DOCK3: variants seen among roughly 807,000 people sequenced by gnomAD.
DOCK3 encodes dedicator of cytokinesis protein 3.
Under a neutral mutation model 265.6 loss-of-function variants are expected in DOCK3, and 60 were observed. The ratio of observed to expected loss-of-function variants is 0.23; its 90% CI spans 0.18 to 0.28. The LOEUF (loss-of-function observed/expected upper bound fraction) is 0.28. Ranked by LOEUF, DOCK3 falls within the 10% of genes least tolerant of loss-of-function variation. The probability of loss-of-function intolerance (pLI) is 1.00; values close to 1 mark genes in which losing one functional copy is unlikely to be tolerated. For synonymous variants in DOCK3, 881 were observed against 938.0 expected, an observed-to-expected ratio of 0.94 and a Z score of 1.11; for missense variants, 1,981 against 2,594.3, an observed-to-expected ratio of 0.76 and a Z score of 5.14.
At chr3:50,706,436 G>A (rs2036418171) in intron 1 of DOCK3, among the ~76,000 whole-genome samples, 1 of 152,140 alleles carries the variant, frequency 6.6e-6, no homozygotes, top group African/African-American at 2.4e-5. Context: ...CCAGGCCTGT[G>A]AGGTTTTTGC....
At chr3:51,108,380 T>A (rs1365525479) in intron 9 of DOCK3, among the ~76,000 whole-genome samples, 2 of 152,068 alleles carry the variant, frequency 1.3e-5, no homozygotes. Context: ...TACAAGAGCT[T>A]CTAAACGAAG....
Position 51,275,215 on chromosome 3 carries a change from C to G in DOCK3, c.2676+9C>G. The G allele has an allele frequency of 6.2e-7, 1 of 1,613,672 alleles. No homozygotes were observed. Among genetic ancestry groups the G allele is most frequent in the Non-Finnish European group, 8.5e-7 (1 of 1,179,840 alleles). On this transcript the variant is annotated intron_variant, in intron 25 of 52. Transcript: ENST00000266037. ...TCAAGACCAGCTCTCTGGTAGTGGC[C>G]CCACACCCACTCCACCCTGTTCAGC... is the stretch of plus-strand genomic sequence containing the variant.
intron 4 of DOCK3, among the ~76,000 whole-genome samples, chr3:50,928,101 A>G (rs1275277843): frequency 6.9e-6 from 1 of 145,310 alleles, no homozygotes; most frequent in Non-Finnish European, 1.5e-5. Flanking sequence ...TTTCACTGGC[A>G]ATATTTTTGT....
At chr3:50,894,704 A>G (rs959026668) in intron 4 of DOCK3, among the ~76,000 whole-genome samples, 4 of 152,160 alleles carry the variant, frequency 2.6e-5, no homozygotes, top group Admixed American at 1.3e-4. Context: ...TGTCATCAAC[A>G]ATAAAACATT....
At chr3:50,963,400 A>T (rs997050854) in intron 5 of DOCK3, among the ~76,000 whole-genome samples, 4 of 152,186 alleles carry the variant, frequency 2.6e-5, no homozygotes, top group African/African-American at 4.8e-5. Context: ...GGTAGCCATT[A>T]TATTTATATT....
At chr3:51,256,569 C>T (rs10446473) in intron 22 of DOCK3, among the ~76,000 whole-genome samples, 123,868 of 150,604 alleles carry the variant, frequency 0.82, 51,515 homozygotes, top group Middle Eastern at 0.9. Flanking sequence ...TCGCACCCAG[C>T]GAAGAGCTTG....
At chr3:50,732,650 A>T (rs948786039) in intron 1 of DOCK3, among the ~76,000 whole-genome samples, 5 of 152,112 alleles carry the variant, frequency 3.3e-5, no homozygotes, top group Non-Finnish European at 5.9e-5. Flanking sequence ...GCCTCAAGCC[A>T]TCCTCCCACC....
chr3:51,160,552 A>G lies in DOCK3; in HGVS notation c.890-3A>G. ...CTGACTGGTGTTTTCTGCTGTGCCC[A>G]AGGCCGGATGCTCCTGAACGACTCA... On this transcript the variant is annotated splice_region_variant and splice_polypyrimidine_tract_variant and intron_variant, in intron 11 of 52. Transcript: ENST00000266037. 3 of 1,606,550 alleles carry G rather than the reference A, an allele frequency of 1.9e-6. No individual in the cohort carries two copies.
At chr3:50,821,796 A>G (rs180863930) in intron 2 of DOCK3, among the ~76,000 whole-genome samples, 2 of 152,202 alleles carry the variant, frequency 1.3e-5, no homozygotes, top group Admixed American at 6.5e-5. Context: ...TGAAGGTCAG[A>G]CAGTTGTAGC....
intron 27 of DOCK3, among the ~76,000 whole-genome samples, chr3:51,308,884 G>A (rs541879702): frequency 9.3e-5 from 14 of 151,318 alleles, no homozygotes; most frequent in South Asian, 2.1e-4. Context: ...GCTGCCGGGC[G>A]GAGGGTCTCC....
intron 23 of DOCK3, among the ~76,000 whole-genome samples, chr3:51,269,974 T>A (rs892160413): frequency 6.6e-6 from 1 of 152,190 alleles, no homozygotes; most frequent in Non-Finnish European, 1.5e-5. Flanking sequence ...TTTGAACTCG[T>A]GTCTAATTCC....
intron 9 of DOCK3, among the ~76,000 whole-genome samples, chr3:51,144,312 A>G (rs965133801): frequency 1.3e-5 from 2 of 152,016 alleles, no homozygotes; most frequent in African/African-American, 4.8e-5. Context: ...TTTCTCTACC[A>G]TTTCATTAAA....
chr3:51,227,875 T>C, intron 16 of DOCK3, 107 bp from the exon 17 acceptor site: 1 of 1,105,366 alleles, frequency 9.0e-7, no homozygotes, highest in Non-Finnish European at 1.3e-6. Flanking sequence ...ACCTAGTTAA[T>C]GAAAGAGGCG....
chr3:51,264,020 C>T (rs1051585810), intron 23 of DOCK3, among the ~76,000 whole-genome samples: 1 of 152,112 alleles, frequency 6.6e-6, no homozygotes, highest in Non-Finnish European at 1.5e-5. Flanking sequence ...AGAAAATTGA[C>T]AAGGATATTC....
chr3:50,939,534 G>T (rs1039821900), intron 5 of DOCK3, among the ~76,000 whole-genome samples: 1 of 151,964 alleles, frequency 6.6e-6, no homozygotes, highest in Non-Finnish European at 1.5e-5. Context: ...ATATACCATG[G>T]CCAGTGGGGT....
At chr3:51,056,308 G>A (rs577164992) in intron 5 of DOCK3, among the ~76,000 whole-genome samples, 104 of 152,240 alleles carry the variant, frequency 6.8e-4, no homozygotes, top group African/African-American at 2.3e-3. Context: ...GAATGCAGTG[G>A]CACAATCTCG....
intron 2 of DOCK3, among the ~76,000 whole-genome samples, chr3:50,781,415 A>C (rs1431666715): frequency 6.6e-6 from 1 of 151,612 alleles, no homozygotes; most frequent in Non-Finnish European, 1.5e-5. Context: ...ACAGGTGCAC[A>C]ACATCATCAG....
intron 27 of DOCK3, among the ~76,000 whole-genome samples, chr3:51,299,410 CTTTAG>C (rs2082265232): frequency 6.6e-6 from 1 of 152,064 alleles, no homozygotes; most frequent in African/African-American, 2.4e-5. Flanking sequence ...TGCAGAAGCT[CTTTAG>C]TTTAATTAGA....
intron 5 of DOCK3, among the ~76,000 whole-genome samples, chr3:51,030,594 T>C (rs558730877): frequency 1.9e-4 from 29 of 152,312 alleles, no homozygotes; most frequent in African/African-American, 5.8e-4. Context: ...AATTTTTGTC[T>C]CCAAAACACT....
Sources: gnomAD v4.1 joint callset for allele counts (sites outside exome capture counted in the v4.1 genomes callset) on GRCh38, gnomAD v4.1.1 for gene constraint, MANE v1.5 for transcripts, NCBI Gene and HGNC (gene_info 2026-07-23, HGNC 2026-07-21) for gene names.